The following PPM1A variants were observed in gnomAD, a reference collection of about 807,000 sequenced individuals.
PPM1A encodes protein phosphatase, Mg2+/Mn2+ dependent 1A.
A neutral mutation model predicts 35.0 loss-of-function variants in PPM1A; 7 were observed. That is an observed-to-expected ratio of 0.20 (90% CI 0.11 to 0.38). The LOEUF (loss-of-function observed/expected upper bound fraction) is 0.38, where lower values mean the gene tolerates loss of function less well. Among genes scored for constraint, PPM1A ranks in the 10% least tolerant of loss-of-function variants. The pLI is 1.00. For synonymous variants in PPM1A, 153 were observed against 167.3 expected (o/e 0.91, Z 0.66); for missense variants, 239 against 467.8 (o/e 0.51, Z 4.51).
chr14:60,275,662 A>G (rs1356822047), intron 1 of PPM1A, among the ~76,000 whole-genome samples: 3 of 151,888 alleles, frequency 2.0e-5, no homozygotes, highest in African/African-American at 7.3e-5. Flanking sequence ...AATCATTTTT[A>G]CAGAGTCACG....
chr14:60,286,486 G>T, intron 3 of PPM1A: 2 of 985,150 alleles, frequency 2.0e-6, no homozygotes, highest in Non-Finnish European at 2.4e-6. Flanking sequence ...CTTTAATAGT[G>T]TTAAAACATG....
chr14:60,260,174 G>A (rs548739812), intron 1 of PPM1A, among the ~76,000 whole-genome samples: 2 of 152,150 alleles, frequency 1.3e-5, no homozygotes. Flanking sequence ...ACTTTAGTTG[G>A]TTCAATTGGT....
At position 60,283,190 on chromosome 14, in the gene PPM1A, G is replaced by C; in HGVS notation, c.487G>C (p.Asp163His). Residue 163 changes from aspartate (D) to histidine (H), a missense_variant, in exon 2 of 6, where the codon GAT becomes CAT. By Grantham distance (81) the Asp-to-His change is moderately conservative (BLOSUM62 -1). Around this residue, in one of 2 missense-constraint regions of PPM1A, gnomAD observed 175 missense variants for 389.2 expected, o/e 0.45. Coordinates refer to ENST00000395076, the MANE Select transcript of PPM1A (RefSeq NM_021003.5). This position sits in a 1 kb window ranked among gnomAD's most constrained non-coding sequence, Gnocchi z 6.3. ...RNRKVHFFTQ[D>H]HKPSNPLEKE... The stretch of plus-strand genomic sequence containing the variant: ...CAGGAAAGTTCATTTCTTCACACAA[G>C]ATCACAAACCAAGTAATCCGCTGGA... The C allele has an allele frequency of 6.2e-7, 1 of 1,614,214 alleles. No homozygotes were observed. The highest frequency in any genetic ancestry group is 8.5e-7 in the Non-Finnish European group (1 of 1,180,040).
chr14:60,287,764 T>C (rs1343893070), intron 3 of PPM1A: 1 of 982,200 alleles, frequency 1.0e-6, no homozygotes, highest in African/African-American at 1.7e-5. Flanking sequence ...TCATAATTTA[T>C]ACTACTATTA....
intron 1 of PPM1A, among the ~76,000 whole-genome samples, chr14:60,258,767 CA>C (rs1359757578): frequency 2.0e-5 from 3 of 152,080 alleles, no homozygotes; most frequent in East Asian, 3.9e-4. Flanking sequence ...AGGGAGAAGC[CA>C]AGGTATAATG....
chr14:60,276,463 T>C (rs1885772042), intron 1 of PPM1A, among the ~76,000 whole-genome samples: 1 of 152,200 alleles, frequency 6.6e-6, no homozygotes, highest in Non-Finnish European at 1.5e-5. Flanking sequence ...GGTCCTCTAG[T>C]TACCAGTATC....
At position 60,289,984 on chromosome 14, in the gene PPM1A, ATGTT is replaced by A. The variant is rs775310470; in HGVS notation, c.1061+77_1061+80del. 23 of 1,107,356 alleles carry A rather than the reference ATGTT, an allele frequency of 2.1e-5. No individual in the cohort carries two copies. The highest frequency in any genetic ancestry group is 9.9e-5 in the African/African-American group (6 of 60,340). 68.6% of individuals were successfully genotyped at this position (1,107,356 alleles called of 1,614,324 possible). Reference sequence around the variant, plus strand: ...AAAATGTTAGGTATTCATTGATAAAATGTTTGTTTGCCTAATTTCTGAACTGATG... The same window carrying A: ...AAAATGTTAGGTATTCATTGATAAAATGTTTGCCTAATTTCTGAACTGATG... On this transcript the variant is annotated intron_variant, in intron 4 of 5. Transcript: ENST00000395076. This position sits in a 1 kb window ranked among gnomAD's most constrained non-coding sequence, Gnocchi z 4.1.
chr14:60,259,740 A>C (rs1373132862), intron 1 of PPM1A, among the ~76,000 whole-genome samples: 2 of 152,098 alleles, frequency 1.3e-5, no homozygotes, highest in African/African-American at 4.8e-5. Context: ...ATGTCTTTTT[A>C]GTATTTTGCT....
intron 2 of PPM1A, among the ~76,000 whole-genome samples, chr14:60,284,590 C>T (rs1413114863): frequency 7.4e-5 from 11 of 148,184 alleles, no homozygotes; most frequent in African/African-American, 2.2e-4. Flanking sequence ...TGCAGTGAGC[C>T]GAGATCGCGC....
intron 1 of PPM1A, among the ~76,000 whole-genome samples, chr14:60,256,310 T>G (rs1200372321): frequency 6.6e-6 from 1 of 152,166 alleles, no homozygotes; most frequent in Non-Finnish European, 1.5e-5. Context: ...GCCACCCGCC[T>G]GTAGTCCCAG....
At chr14:60,269,864 T>G (rs965111073) in intron 1 of PPM1A, among the ~76,000 whole-genome samples, 1 of 152,208 alleles carries the variant, frequency 6.6e-6, no homozygotes, top group Non-Finnish European at 1.5e-5. Context: ...CATGTTTATT[T>G]TGTCTGAATT....
chr14:60,278,657 A>G (rs1162255059), intron 1 of PPM1A, among the ~76,000 whole-genome samples: 2 of 152,202 alleles, frequency 1.3e-5, no homozygotes, highest in African/African-American at 4.8e-5. Context: ...CAGTGAATAA[A>G]ACAAAAAGTC....
In PPM1A at chr14:60,297,350, G is replaced by C. The variant is rs1888133714; in HGVS notation, c.*4868G>C. On this transcript the variant is annotated 3_prime_UTR_variant, in exon 6 of 6. Coordinates refer to ENST00000395076, the MANE Select transcript of PPM1A (RefSeq NM_021003.5). Reference sequence around the variant, plus strand: ...CTTGTACGTGGCTGTAAATTTATAAGAACTATTGTGTCACATAAACCAACA... The same window carrying C: ...CTTGTACGTGGCTGTAAATTTATAACAACTATTGTGTCACATAAACCAACA... The C allele has an allele frequency of 6.6e-6, 1 of 151,630 alleles. No homozygotes were observed. Among genetic ancestry groups the C allele is most frequent in the African/African-American group, 2.4e-5 (1 of 41,394 alleles). 9.4% of individuals were successfully genotyped at this position (151,630 alleles called of 1,614,324 possible).
In PPM1A at chr14:60,291,473, C is replaced by G; in HGVS notation, c.1119+19C>G. 6.4e-7 allele frequency: 1 copy of G among 1,554,576 alleles called. No individual in the cohort carries two copies. The highest frequency in any genetic ancestry group is 8.8e-7 in the Non-Finnish European group (1 of 1,139,060). Reference sequence around the variant, plus strand: ...CGACACTGTAAGTAGCATTTTAGCTCCCTCTGCTTTCCCTTCCCCTCCACT... The same window carrying G: ...CGACACTGTAAGTAGCATTTTAGCTGCCTCTGCTTTCCCTTCCCCTCCACT... On this transcript the variant is annotated intron_variant, in intron 5 of 5. Transcript: ENST00000395076.
chr14:60,268,091 C>A (rs1201819727), intron 1 of PPM1A, among the ~76,000 whole-genome samples: 1 of 151,998 alleles, frequency 6.6e-6, no homozygotes, highest in Non-Finnish European at 1.5e-5. Context: ...CAGTAATGTC[C>A]TTTATAACAA....
chr14:60,249,016 A>C (rs1312374585), upstream of PPM1A, among the ~76,000 whole-genome samples: 3 of 151,880 alleles, frequency 2.0e-5, no homozygotes, highest in Non-Finnish European at 2.9e-5. The surrounding 1 kb of genome is among the most constrained non-coding windows in gnomAD (Gnocchi z 4.5). Flanking sequence ...GCAGAGAAAG[A>C]AGCTGGGTAA....
chr14:60,271,934 T>C (rs542452809), intron 1 of PPM1A, among the ~76,000 whole-genome samples: 5 of 152,332 alleles, frequency 3.3e-5, no homozygotes, highest in Non-Finnish European at 7.4e-5. Context: ...CAAGGTTGCT[T>C]ATTTATTGAT....
At chr14:60,280,146 C>T (rs897714814) in intron 1 of PPM1A, among the ~76,000 whole-genome samples, 9 of 152,182 alleles carry the variant, frequency 5.9e-5, no homozygotes, top group Admixed American at 2.0e-4. Context: ...GCCGGGATTA[C>T]GGGCATGCGC....
At chr14:60,277,769 A>C (rs1216943463) in intron 1 of PPM1A, among the ~76,000 whole-genome samples, 1 of 152,152 alleles carries the variant, frequency 6.6e-6, no homozygotes, top group Non-Finnish European at 1.5e-5. Flanking sequence ...CAGGCTCTGT[A>C]TGGGTGCCTT....
Sources: gnomAD v4.1 joint callset for allele counts (sites outside exome capture counted in the v4.1 genomes callset) on GRCh38, gnomAD v4.1.1 for gene constraint, gnomAD v4.1.1 regional missense constraint, Gnocchi (gnomAD v3.1) non-coding constraint, MANE v1.5 for transcripts, NCBI Gene and HGNC (gene_info 2026-07-23, HGNC 2026-07-21) for gene names.